Variants in GRIP1 observed in about 807,000 individuals in gnomAD.
The protein encoded by GRIP1 is glutamate receptor interacting protein 1, also known as glutamate receptor-interacting protein 1.
In GRIP1, 45 loss-of-function variants were observed where a neutral mutation model predicts 129.9. The ratio of observed to expected loss-of-function variants is 0.35; its 90% CI spans 0.27 to 0.44. The LOEUF is 0.44. GRIP1 is among the 20% of genes least tolerant of loss of function. GRIP1 has a pLI of 1.00. For synonymous variants in GRIP1, 530 were observed against 520.8 expected, an observed-to-expected ratio of 1.02 and a Z score of -0.24; for missense variants, 1,196 against 1,396.8, an observed-to-expected ratio of 0.86 and a Z score of 2.29.
intron 1 of GRIP1, among the ~76,000 whole-genome samples, chr12:66,865,563 AAC>A (rs2040189820): frequency 6.6e-6 from 1 of 151,978 alleles, no homozygotes; most frequent in African/African-American, 2.4e-5. Context: ...AAAGGTCAAC[AAC>A]ACATTCTGTT....
intron 5 of GRIP1, among the ~76,000 whole-genome samples, chr12:66,524,025 A>T (rs2061126329): frequency 6.6e-6 from 1 of 152,180 alleles, no homozygotes; most frequent in South Asian, 2.1e-4. Context: ...CCAGATTCAT[A>T]AAGCAAGTCC....
chr12:66,524,788 C>T (rs980127798), intron 5 of GRIP1, among the ~76,000 whole-genome samples: 1 of 151,840 alleles, frequency 6.6e-6, no homozygotes. Flanking sequence ...ACTAGCAAGA[C>T]TAATAAAGAA....
At chr12:66,573,784 C>T (rs916407886) in intron 2 of GRIP1, among the ~76,000 whole-genome samples, 1 of 152,156 alleles carries the variant, frequency 6.6e-6, no homozygotes, top group Non-Finnish European at 1.5e-5. Context: ...GTGCTGGACA[C>T]ACATGTACAG....
At chr12:66,366,161 G>A (rs1266258966) in intron 23 of GRIP1, among the ~76,000 whole-genome samples, 2 of 152,212 alleles carry the variant, frequency 1.3e-5, no homozygotes, top group African/African-American at 4.8e-5. Flanking sequence ...CTAGGTATTT[G>A]GAGAAAGTTG....
chr12:66,404,509 T>C (rs570441095), intron 16 of GRIP1, among the ~76,000 whole-genome samples: 3 of 152,312 alleles, frequency 2.0e-5, no homozygotes, highest in Admixed American at 6.5e-5. Context: ...TCCAGAGCAA[T>C]AGGTTTCTTT....
Position 66,371,760 on chromosome 12 carries a change from T to G in GRIP1, c.2946A>C (p.Val982=). Residue 982 remains valine (V), a synonymous_variant, in exon 23 of 25, where the codon GTA becomes GTC. Coordinates refer to ENST00000359742, the MANE Select transcript of GRIP1 (RefSeq NM_001366722.1). ...TLPSDVGRKS[V]TLRKMKQEIK... ...TTTCTTGTTTCATTTTTCTCAGGGT[T>G]ACTGACTTCCTACCCACATCTGAAG... 6.2e-7 allele frequency: 1 copy of G among 1,614,156 alleles called. No individual in the cohort carries two copies. Among genetic ancestry groups the G allele is most frequent in the Non-Finnish European group, 8.5e-7 (1 of 1,179,974 alleles).
At chr12:66,661,700 G>A (rs1237730422) in intron 1 of GRIP1, among the ~76,000 whole-genome samples, 1 of 151,976 alleles carries the variant, frequency 6.6e-6, no homozygotes, top group African/African-American at 2.4e-5. Flanking sequence ...GTTTTCTCAA[G>A]CAAATATTTT....
intron 1 of GRIP1, among the ~76,000 whole-genome samples, chr12:66,650,371 A>T (rs541631874): frequency 1.3e-5 from 2 of 152,316 alleles, no homozygotes; most frequent in South Asian, 4.1e-4. Context: ...GTAAGCAAAT[A>T]AAGTATGTTT....
At chr12:66,766,743 T>G (rs1004978335) in intron 1 of GRIP1, among the ~76,000 whole-genome samples, 1 of 152,204 alleles carries the variant, frequency 6.6e-6, no homozygotes, top group Non-Finnish European at 1.5e-5. Context: ...GACTGGCTAA[T>G]TTTTTCATTA....
At chr12:66,431,319 T>C (rs1464765612) in intron 14 of GRIP1, among the ~76,000 whole-genome samples, 1 of 152,160 alleles carries the variant, frequency 6.6e-6, no homozygotes, top group African/African-American at 2.4e-5. Flanking sequence ...TCCCATTCCA[T>C]CTTTCTACTT....
intron 1 of GRIP1, among the ~76,000 whole-genome samples, chr12:66,827,107 T>C (rs974122288): frequency 6.6e-6 from 1 of 152,170 alleles, no homozygotes; most frequent in African/African-American, 2.4e-5. Context: ...ATTTAGTGGC[T>C]TACAACTATA....
At chr12:66,936,506 G>A (rs1027528246) in intron 1 of GRIP1, among the ~76,000 whole-genome samples, 1 of 149,594 alleles carries the variant, frequency 6.7e-6, no homozygotes, top group Non-Finnish European at 1.5e-5. Flanking sequence ...GGTCCTTTAT[G>A]TCTCTTCATT....
At chr12:66,606,997 G>A (rs1405828450) in intron 1 of GRIP1, among the ~76,000 whole-genome samples, 1 of 85,398 alleles carries the variant, frequency 1.2e-5, no homozygotes, top group Non-Finnish European at 2.5e-5. Context: ...TACTTGGAGA[G>A]AGAGAGAGAG....
At chr12:66,723,489 T>C (rs188255900) in intron 1 of GRIP1, among the ~76,000 whole-genome samples, 5 of 151,644 alleles carry the variant, frequency 3.3e-5, no homozygotes, top group Admixed American at 6.6e-5. Flanking sequence ...ATCTTTGTAT[T>C]TTTAGTAGAG....
chr12:66,855,868 T>C (rs1221081732), intron 1 of GRIP1, among the ~76,000 whole-genome samples: 2 of 152,094 alleles, frequency 1.3e-5, no homozygotes, highest in South Asian at 2.1e-4. Context: ...CTGAATATTT[T>C]ATTCTCTTCA....
intron 24 of GRIP1, 33 bp downstream of exon 24, chr12:66,353,384 T>C: frequency 6.6e-7 from 1 of 1,522,602 alleles, no homozygotes; most frequent in East Asian, 2.2e-5. Context: ...AGAAATTACT[T>C]GCAAGGAATT....
intron 1 of GRIP1, among the ~76,000 whole-genome samples, chr12:66,926,718 C>T (rs1485344799): frequency 2.0e-5 from 3 of 152,338 alleles, no homozygotes; most frequent in Non-Finnish European, 4.4e-5. Flanking sequence ...GGTGCCCAGT[C>T]TATGCCGTGT....
chr12:66,857,277 G>T (rs2040023690), intron 1 of GRIP1, among the ~76,000 whole-genome samples: 1 of 151,972 alleles, frequency 6.6e-6, no homozygotes, highest in Admixed American at 6.6e-5. Context: ...AATGTTAAAT[G>T]ACGACTATGG....
chr12:66,628,543 C>A (rs922185030), intron 1 of GRIP1, among the ~76,000 whole-genome samples: 1 of 152,214 alleles, frequency 6.6e-6, no homozygotes, highest in Non-Finnish European at 1.5e-5. Flanking sequence ...ACAAACATCA[C>A]CATGCCACTT....
Sources: allele counts gnomAD v4.1 joint callset (sites outside exome capture counted in the v4.1 genomes callset), GRCh38; gene constraint gnomAD v4.1.1; transcripts MANE v1.5; gene names NCBI Gene and HGNC (gene_info 2026-07-23, HGNC 2026-07-21).